The following SNX8 variants were observed in gnomAD, a reference collection of about 807,000 sequenced individuals.
SNX8 encodes the protein sorting nexin-8.
A neutral mutation model predicts 51.6 loss-of-function variants in SNX8; 25 were observed. The ratio of observed to expected loss-of-function variants is 0.48; its 90% CI spans 0.35 to 0.68. SNX8 has a LOEUF of 0.68. Ranked by LOEUF, SNX8 falls within the 30% of genes least tolerant of loss-of-function variation. The pLI is 0.00. For missense variants in SNX8, 695 were observed against 624.0 expected (o/e 1.11, Z -1.21); for synonymous variants, 324 against 277.0 (o/e 1.17, Z -1.68).
chr7:2,333,876 C>G (rs1778780673), intron 1 of SNX8, among the ~76,000 whole-genome samples: 1 of 152,170 alleles, frequency 6.6e-6, no homozygotes, highest in East Asian at 1.9e-4. Context: ...CAGGCTCATG[C>G]CCGTAATCCC....
intron 1 of SNX8, among the ~76,000 whole-genome samples, chr7:2,352,515 C>T (rs1374879513): frequency 1.3e-5 from 2 of 152,014 alleles, no homozygotes; most frequent in African/African-American, 2.4e-5. Flanking sequence ...TCTTACTGTG[C>T]CCTATTGTAA....
At chr7:2,353,113 G>A (rs74934372) in intron 1 of SNX8, among the ~76,000 whole-genome samples, 2,389 of 152,306 alleles carry the variant, frequency 0.016, 24 homozygotes, top group Middle Eastern at 0.041. Context: ...GGGCAACACA[G>A]TGAGATGCTA....
intron 1 of SNX8, among the ~76,000 whole-genome samples, chr7:2,327,556 C>T (rs938868022): frequency 1.3e-5 from 2 of 152,152 alleles, no homozygotes; most frequent in Admixed American, 6.6e-5. Flanking sequence ...TACATGTGCC[C>T]GCCACCATGC....
chr7:2,257,065 C>T, intron 9 of SNX8, 42 bp from the exon 10 acceptor site: 4 of 1,551,344 alleles, frequency 2.6e-6, no homozygotes, highest in Non-Finnish European at 1.7e-6. Flanking sequence ...GCCCAGCCGG[C>T]GACGGGAGCA....
At chr7:2,306,152 T>G (rs1458554343) in intron 1 of SNX8, among the ~76,000 whole-genome samples, 2 of 151,672 alleles carry the variant, frequency 1.3e-5, no homozygotes, top group African/African-American at 4.9e-5. Context: ...TTTGTTTGTT[T>G]TTTGTTTTTG....
At chr7:2,269,728 G>T in intron 4 of SNX8, 89 bp from the exon 5 acceptor site, 1 of 766,800 alleles carries the variant, frequency 1.3e-6, no homozygotes, top group Non-Finnish European at 2.1e-6. Flanking sequence ...GCGGGAGGTC[G>T]TCTTTCCTCA....
chr7:2,301,371 C>G (rs1002854042), intron 1 of SNX8, among the ~76,000 whole-genome samples: 1 of 152,276 alleles, frequency 6.6e-6, no homozygotes, highest in African/African-American at 2.4e-5. Flanking sequence ...CCCCCAAATT[C>G]GGGCTTAGCC....
At chr7:2,353,640 G>C (rs936197564) in intron 1 of SNX8, among the ~76,000 whole-genome samples, 1 of 151,910 alleles carries the variant, frequency 6.6e-6, no homozygotes, top group Non-Finnish European at 1.5e-5. Flanking sequence ...CATTCACCAT[G>C]TTGTACCATC....
At chr7:2,273,444 G>C (rs1202411903) in intron 3 of SNX8, among the ~76,000 whole-genome samples, 1 of 151,732 alleles carries the variant, frequency 6.6e-6, no homozygotes, top group Non-Finnish European at 1.5e-5. Context: ...TAATTAGCCA[G>C]GCGTGGTGGC....
intron 7 of SNX8, among the ~76,000 whole-genome samples, chr7:2,260,247 G>A (rs1252094917): frequency 2.0e-5 from 3 of 152,034 alleles, no homozygotes; most frequent in South Asian, 2.1e-4. Flanking sequence ...ACAGGTGCCC[G>A]CCACCACGCC....
chr7:2,256,841 G>A, intron 10 of SNX8, 33 bp downstream of exon 10: 2 of 1,592,340 alleles, frequency 1.3e-6, no homozygotes, highest in Non-Finnish European at 1.7e-6. Flanking sequence ...AAAGGCCGTG[G>A]CCGAGACGGC....
At position 2,271,962 on chromosome 7, in the gene SNX8, T is replaced by A; in HGVS notation, c.428A>T (p.Glu143Val). The change falls in exon 4 of 11, where the codon GAG (glutamate) becomes GTG (valine). Residue 143 changes from glutamate (E) to valine (V), a missense_variant. Transcript: ENST00000222990. ...PPKRMLGADR[E>V]FIEARRRALK... The stretch of plus-strand genomic sequence containing the variant: ...GGCTCTCCTCCTGGCCTCGATGAAC[T>A]CCCTGTCAGCTGGAGGAGCACACGG... The A allele has an allele frequency of 6.2e-7, 1 of 1,613,888 alleles. No individual in the cohort carries two copies. Among genetic ancestry groups the A allele is most frequent in the Non-Finnish European group, 8.5e-7 (1 of 1,179,954 alleles).
At chr7:2,264,519 C>T (rs1795419470) in intron 5 of SNX8, 61 bp from the exon 6 acceptor site, 1 of 1,528,846 alleles carries the variant, frequency 6.5e-7, no homozygotes. Context: ...TGTCAGACGG[C>T]AGCAGCCGGT....
chr7:2,263,187 C>T (rs1203864155), intron 7 of SNX8, 43 bp downstream of exon 7: 15 of 1,608,650 alleles, frequency 9.3e-6, no homozygotes, highest in Admixed American at 6.7e-5. Context: ...AAAGGCATAG[C>T]GTGTTCTCTG....
intron 1 of SNX8, among the ~76,000 whole-genome samples, chr7:2,351,915 T>G (rs946165188): frequency 2.7e-5 from 4 of 146,686 alleles, no homozygotes; most frequent in East Asian, 1.9e-4. Context: ...GTTTTTTTTT[T>G]TTTTTTTTTT....
intron 1 of SNX8, among the ~76,000 whole-genome samples, chr7:2,353,246 C>T (rs141855682): frequency 6.6e-6 from 1 of 151,758 alleles, no homozygotes; most frequent in African/African-American, 2.4e-5. Flanking sequence ...AGGCCCTGCG[C>T]GGTGGTTCAC....
chr7:2,265,098 T>C (rs1385758840), intron 5 of SNX8, among the ~76,000 whole-genome samples: 4 of 152,176 alleles, frequency 2.6e-5, no homozygotes, highest in African/African-American at 9.7e-5. Flanking sequence ...CTCACGCCTG[T>C]AATCCCAGCA....
intron 1 of SNX8, among the ~76,000 whole-genome samples, chr7:2,343,461 A>G (rs180709011): frequency 6.6e-6 from 1 of 151,710 alleles, no homozygotes; most frequent in Non-Finnish European, 1.5e-5. Context: ...GGATCACGAG[A>G]TCAGGAGATC....
chr7:2,333,781 G>A (rs1056592739), intron 1 of SNX8, among the ~76,000 whole-genome samples: 8 of 152,150 alleles, frequency 5.3e-5, no homozygotes, highest in Non-Finnish European at 1.5e-5. Flanking sequence ...AGAAAAAAAT[G>A]AACCTCAATT....
Sources: allele counts gnomAD v4.1 joint callset (sites outside exome capture counted in the v4.1 genomes callset), GRCh38; gene constraint gnomAD v4.1.1; transcripts MANE v1.5; gene names NCBI Gene and HGNC (gene_info 2026-07-23, HGNC 2026-07-21).